Variants in SRP68 observed in about 807,000 individuals in gnomAD.
The protein encoded by SRP68 is signal recognition particle subunit SRP68.
In SRP68, 15 loss-of-function variants were observed where a neutral mutation model predicts 82.2. That is an observed-to-expected ratio of 0.18 (90% confidence interval 0.12 to 0.28). The LOEUF (loss-of-function observed/expected upper bound fraction) is 0.28, where lower values mean the gene tolerates loss of function less well. Ranked by LOEUF, SRP68 falls within the 10% of genes least tolerant of loss-of-function variation. The pLI, the probability that SRP68 is intolerant of heterozygous loss-of-function variation, is 1.00. For missense variants in SRP68, 595 were observed against 780.5 expected (o/e 0.76, Z 2.83); for synonymous variants, 261 against 292.6 (o/e 0.89, Z 1.10).
At position 76,056,412 on chromosome 17, in the gene SRP68, G is replaced by A. The variant is rs75647820; in HGVS notation, c.978+991C>T. Among the ~76,000 whole-genome samples the A allele has an allele frequency of 1.5e-3, 233 of 152,282 alleles. 2 individuals are homozygous for A. The East Asian group carries it at 0.037, about 24-fold the overall frequency. On this transcript the variant is annotated intron_variant, in intron 8 of 15. Transcript: ENST00000307877. Reference sequence around the variant, plus strand: ...CCAGTGGAGGTAGCACCATACAACAGTGCCAATAGAATGCTCTCAAAAAAA... The same window carrying A: ...CCAGTGGAGGTAGCACCATACAACAATGCCAATAGAATGCTCTCAAAAAAA...
At chr17:76,046,522 CAGG>C (rs2066633210) in intron 10 of SRP68, among the ~76,000 whole-genome samples, 1 of 150,582 alleles carries the variant, frequency 6.6e-6, no homozygotes, top group African/African-American at 2.4e-5. Flanking sequence ...ACTCACGAGG[CAGG>C]AGATCACCTG....
intron 2 of SRP68, 121 bp downstream of exon 2, chr17:76,070,257 C>CA (rs1473832818): frequency 1.4e-4 from 80 of 553,444 alleles, no homozygotes; most frequent in South Asian, 4.4e-4. Context: ...AACAAACAAA[C>CA]AAAAAAAACA....
intron 8 of SRP68, 78 bp downstream of exon 8, chr17:76,057,325 C>A: frequency 6.4e-7 from 1 of 1,567,386 alleles, no homozygotes; most frequent in Non-Finnish European, 8.8e-7. Flanking sequence ...TGAATACCAA[C>A]GAGCCACTAC....
intron 8 of SRP68, among the ~76,000 whole-genome samples, chr17:76,056,631 T>C (rs965736941): frequency 6.6e-6 from 1 of 152,194 alleles, no homozygotes; most frequent in African/African-American, 2.4e-5. Flanking sequence ...AAATTTTAGA[T>C]GCTTAAGCCA....
At chr17:76,061,425 G>A (rs1351319737) in intron 5 of SRP68, 67 bp downstream of exon 5, 1 of 1,381,220 alleles carries the variant, frequency 7.2e-7, no homozygotes, top group East Asian at 2.3e-5. Context: ...TCCACTATCT[G>A]ATCTGCAGCT....
At chr17:76,064,944 CTG>C (rs2066795556) in intron 3 of SRP68, among the ~76,000 whole-genome samples, 1 of 151,930 alleles carries the variant, frequency 6.6e-6, no homozygotes, top group Non-Finnish European at 1.5e-5. Flanking sequence ...AGCTGTGTGA[CTG>C]TGGGCAAAGT....
rs1333474694 is a variant in SRP68, at chr17:76,067,262, T to G, written c.320A>C (p.Lys107Thr). Residue 107 changes from lysine to threonine, a missense_variant, in exon 3 of 16, where the codon AAA becomes ACA. Around this residue, in one of 2 missense-constraint regions of SRP68, gnomAD observed 495 missense variants for 688.6 expected, o/e 0.72. Transcript: ENST00000307877. ...TTCAGTCACTTTCTTCCCTGTGAAT[T>G]TGTGTCTGTTACCCATCTTGAAGTT... Reference protein sequence around the residue: ...TLNFKMGNRHKFTGKKVTEEL... With the variant: ...TLNFKMGNRHTFTGKKVTEEL... 1 of 1,613,824 alleles carries G rather than the reference T, an allele frequency of 6.2e-7. No homozygotes were observed. Among genetic ancestry groups the G allele is most frequent in the Non-Finnish European group, 8.5e-7 (1 of 1,179,920 alleles).
chr17:76,072,119 G>T lies in SRP68; in HGVS notation c.184+189C>A. 1 of 1,138,282 alleles carries T rather than the reference G, an allele frequency of 8.8e-7. No individual in the cohort carries two copies. Among genetic ancestry groups the T allele is most frequent in the Non-Finnish European group, 1.2e-6 (1 of 814,228 alleles). 70.5% of individuals were successfully genotyped at this position (1,138,282 alleles called of 1,614,324 possible). A position where few individuals can be genotyped will look rare whatever the true frequency, so the allele number is the denominator to read the frequency against. ...CGGACCTAGCCAGGACGGCGAGGGG[G>T]ACACGAGGAAAGACTAGTCGAGAGA... is the stretch of plus-strand genomic sequence containing the variant. On this transcript the variant is annotated intron_variant, in intron 1 of 15. Coordinates refer to ENST00000307877, the MANE Select transcript of SRP68 (RefSeq NM_014230.4). This position sits in a 1 kb window ranked among gnomAD's most constrained non-coding sequence, Gnocchi z 4.5.
At chr17:76,054,900 C>T (rs1256131962) in intron 8 of SRP68, among the ~76,000 whole-genome samples, 1 of 151,872 alleles carries the variant, frequency 6.6e-6, no homozygotes, top group Non-Finnish European at 1.5e-5. Flanking sequence ...AGAAACAGTG[C>T]TTTCCTTTCA....
intron 11 of SRP68, 71 bp downstream of exon 11, chr17:76,045,967 T>C (rs1313546218): frequency 1.3e-6 from 2 of 1,576,468 alleles, no homozygotes; most frequent in East Asian, 2.2e-5. Flanking sequence ...GATACAAAGT[T>C]AAGTCACTTT....
intron 4 of SRP68, 181 bp from the exon 5 acceptor site, chr17:76,061,755 T>C (rs913098286): frequency 4.5e-5 from 21 of 468,716 alleles, no homozygotes; most frequent in African/African-American, 1.8e-4. Context: ...GAACCCACAG[T>C]TGAAGACAAG....
At chr17:76,069,661 C>G (rs1487397399) in intron 2 of SRP68, among the ~76,000 whole-genome samples, 1 of 148,478 alleles carries the variant, frequency 6.7e-6, no homozygotes, top group Non-Finnish European at 1.5e-5. Context: ...GAGCCGAGAT[C>G]GCGCCACTAT....
At chr17:76,042,551 AAAAAGT>A (rs1201967397) in intron 13 of SRP68, among the ~76,000 whole-genome samples, 1 of 151,972 alleles carries the variant, frequency 6.6e-6, no homozygotes, top group African/African-American at 2.4e-5. Context: ...AAAAAAAAAA[AAAAAGT>A]AAAGCAAAGA....
At chr17:76,047,194 G>A (rs1011545860) in intron 10 of SRP68, among the ~76,000 whole-genome samples, 7 of 152,176 alleles carry the variant, frequency 4.6e-5, no homozygotes, top group Middle Eastern at 3.4e-3. Context: ...ATGGCTGACC[G>A]CAGCCTTGAC....
Position 76,040,401 on chromosome 17 carries a change from A to G in SRP68, c.1656+18T>C, listed in dbSNP as rs775597528. 10 of 1,611,860 alleles carry G rather than the reference A, an allele frequency of 6.2e-6. No individual in the cohort carries two copies. The highest frequency in any genetic ancestry group is 1.6e-4 in the Middle Eastern group (1 of 6,080). On this transcript the variant is annotated intron_variant, in intron 15 of 15. Coordinates refer to ENST00000307877, the MANE Select transcript of SRP68 (RefSeq NM_014230.4). Reference sequence around the variant, plus strand: ...TAATCCTGCTTCGTATTCCTCAAAAACCATGGCCCAGACTTACCTTATTGT... The same window carrying G: ...TAATCCTGCTTCGTATTCCTCAAAAGCCATGGCCCAGACTTACCTTATTGT...
chr17:76,054,498 G>C (rs1457754090), intron 8 of SRP68, among the ~76,000 whole-genome samples: 3 of 152,118 alleles, frequency 2.0e-5, no homozygotes, highest in African/African-American at 7.2e-5. Flanking sequence ...TTAAGAAAAA[G>C]ATAAATGGTC....
At position 76,072,428 on chromosome 17, in the gene SRP68, TGCCACCGCCGCCGCCACTGCCGCCGCC is replaced by T. The variant is rs2144540419; in HGVS notation, c.37_63del (p.Gly13_Gly21del). The T allele has an allele frequency of 1.9e-6, 3 of 1,585,616 alleles. No homozygotes were observed. The South Asian group carries it at 3.3e-5, about 18-fold the overall frequency. On this transcript the variant is annotated inframe_deletion, in exon 1 of 16. Coordinates refer to ENST00000307877, the MANE Select transcript of SRP68 (RefSeq NM_014230.4). The surrounding 1 kb of genome is among the most constrained non-coding windows in gnomAD (Gnocchi z 4.5). The stretch of plus-strand genomic sequence containing the variant: ...CCACCGCCGCTACCGCCGCCGCCAC[TGCCACCGCCGCCGCCACTGCCGCCGCC>T]GCCGCCGCCGCCTGGGACCTGCTTC...
intron 13 of SRP68, among the ~76,000 whole-genome samples, chr17:76,042,655 G>C (rs2066600687): frequency 6.6e-6 from 1 of 152,054 alleles, no homozygotes; most frequent in Non-Finnish European, 1.5e-5. Flanking sequence ...CTTGATCTTG[G>C]CTCACTGCAA....
chr17:76,050,413 G>C lies in SRP68; in HGVS notation c.1077+15C>G. 6.2e-7 allele frequency: 1 copy of C among 1,601,716 alleles called. No individual in the cohort carries two copies. The highest frequency in any genetic ancestry group is 8.6e-7 in the Non-Finnish European group (1 of 1,169,002). On this transcript the variant is annotated intron_variant, in intron 9 of 15. Coordinates refer to ENST00000307877, the MANE Select transcript of SRP68 (RefSeq NM_014230.4). Reference sequence around the variant, plus strand: ...CCGCCCAGAGCAAGAACCAGGGCTCGGCTGAGGGTCCTACCTGATCTGGCT... The same window carrying C: ...CCGCCCAGAGCAAGAACCAGGGCTCCGCTGAGGGTCCTACCTGATCTGGCT...
Sources: allele counts gnomAD v4.1 joint callset (sites outside exome capture counted in the v4.1 genomes callset), GRCh38; gene constraint gnomAD v4.1.1; regional missense constraint gnomAD v4.1.1; non-coding constraint Gnocchi (gnomAD v3.1); transcripts MANE v1.5; gene names NCBI Gene and HGNC (gene_info 2026-07-23, HGNC 2026-07-21).